The following TXNDC15 variants were observed in gnomAD, a reference collection of about 807,000 sequenced individuals.
TXNDC15 encodes thioredoxin domain-containing protein 15.
Under a neutral mutation model 35.0 loss-of-function variants are expected in TXNDC15, and 24 were observed. That is an observed-to-expected ratio of 0.68 (90% CI 0.50 to 0.96). The LOEUF is 0.96. TXNDC15 is among the 40% of genes least tolerant of loss of function. The pLI is 0.00. For synonymous variants in TXNDC15, 169 were observed against 174.0 expected, an observed-to-expected ratio of 0.97 and a Z score of 0.23; for missense variants, 385 against 453.3, an observed-to-expected ratio of 0.85 and a Z score of 1.37.
chr5:134,883,249 A>G (rs968235283), intron 1 of TXNDC15, among the ~76,000 whole-genome samples: 1 of 150,950 alleles, frequency 6.6e-6, no homozygotes, highest in African/African-American at 2.4e-5. Flanking sequence ...ACATGATGAA[A>G]CCCCGTCTCT....
At chr5:134,875,619 C>G (rs1009174216) in intron 1 of TXNDC15, among the ~76,000 whole-genome samples, 20 of 151,680 alleles carry the variant, frequency 1.3e-4, no homozygotes, top group African/African-American at 4.8e-4. Flanking sequence ...ACCTGTTTCC[C>G]AAAGTGCTGG....
intron 4 of TXNDC15, among the ~76,000 whole-genome samples, chr5:134,899,080 A>C (rs1010840105): frequency 6.7e-6 from 1 of 149,168 alleles, no homozygotes; most frequent in East Asian, 2.0e-4. Context: ...TCATCACAGA[A>C]AAAAAAAAAA....
At chr5:134,885,786 G>A (rs941315316) in intron 1 of TXNDC15, among the ~76,000 whole-genome samples, 84 of 152,242 alleles carry the variant, frequency 5.5e-4, no homozygotes, top group African/African-American at 1.9e-3. Flanking sequence ...CCTGTTTCTC[G>A]GATGTCACTA....
chr5:134,874,356 C>T (rs1012478233), upstream of TXNDC15: 16 of 1,347,242 alleles, frequency 1.2e-5, no homozygotes, highest in Admixed American at 1.8e-4. Flanking sequence ...CCCAGGCTCT[C>T]CTCCCCCAGC....
chr5:134,880,329 C>T (rs944338221), intron 1 of TXNDC15, among the ~76,000 whole-genome samples: 1 of 152,088 alleles, frequency 6.6e-6, no homozygotes, highest in African/African-American at 2.4e-5. Context: ...TAACATTTTT[C>T]TTCTGCCTGA....
intron 2 of TXNDC15, among the ~76,000 whole-genome samples, chr5:134,890,357 C>A (rs1410153767): frequency 6.7e-6 from 1 of 149,686 alleles, no homozygotes; most frequent in Non-Finnish European, 1.5e-5. Flanking sequence ...TTTTTCTTTT[C>A]TTTTCTTTTC....
chr5:134,891,028 C>G (rs1282656018), intron 2 of TXNDC15, among the ~76,000 whole-genome samples: 1 of 152,218 alleles, frequency 6.6e-6, no homozygotes, highest in African/African-American at 2.4e-5. Context: ...TCAGACTCCA[C>G]TTCTAATCCT....
At chr5:134,897,513 T>C (rs2150191254) in intron 4 of TXNDC15, among the ~76,000 whole-genome samples, 1 of 152,046 alleles carries the variant, frequency 6.6e-6, no homozygotes, top group African/African-American at 2.4e-5. Flanking sequence ...CCTCCCAGAG[T>C]GCTCAGATTA....
chr5:134,882,880 G>C (rs1750188509), intron 1 of TXNDC15, among the ~76,000 whole-genome samples: 1 of 152,184 alleles, frequency 6.6e-6, no homozygotes, highest in Non-Finnish European at 1.5e-5. Context: ...AGCTGGACAG[G>C]TTCTATTGCT....
At position 134,900,705 on chromosome 5, in the gene TXNDC15, G is replaced by A. The variant is rs1322857491; in HGVS notation, c.*1020G>A. On this transcript the variant is annotated 3_prime_UTR_variant, in exon 5 of 5. Transcript: ENST00000358387. ...AACAAACAAAAAGAAGTATTGAAGT[G>A]TAAAACACTGTTCTTGCCCACAAGT... The A allele has an allele frequency of 6.6e-6, 1 of 151,966 alleles. No individual in the cohort carries two copies. Among genetic ancestry groups the A allele is most frequent in the East Asian group, 1.9e-4 (1 of 5,190 alleles). The allele number at this position is 151,966 out of a possible 1,614,324, so 9.4% of individuals were successfully genotyped here. A position where few individuals can be genotyped will look rare whatever the true frequency, so the allele number is the denominator to read the frequency against.
chr5:134,893,622 A>G lies in TXNDC15; in HGVS notation c.722A>G (p.His241Arg). The change falls in exon 3 of 5, where the codon CAC becomes CGC. Residue 241 changes from histidine (H) to arginine (R), a missense_variant. Physicochemically the swap from His to Arg is conservative, Grantham distance 29. Transcript: ENST00000358387. ...NSLPRAFPALHFLALDASQHS... is the reference protein window; with the variant it reads ...NSLPRAFPALRFLALDASQHS... Reference sequence around the variant, plus strand: ...CTGCCCCGGGCATTTCCAGCTCTTCACTTTTTGGCACTGGATGCATCTCAG... The same window carrying G: ...CTGCCCCGGGCATTTCCAGCTCTTCGCTTTTTGGCACTGGATGCATCTCAG... The G allele has an allele frequency of 6.2e-7, 1 of 1,613,764 alleles. No individual in the cohort carries two copies. The highest frequency in any genetic ancestry group is 8.5e-7 in the Non-Finnish European group (1 of 1,179,968).
chr5:134,890,357 C>T (rs1410153767), intron 2 of TXNDC15, among the ~76,000 whole-genome samples: 1 of 149,686 alleles, frequency 6.7e-6, no homozygotes, highest in South Asian at 2.2e-4. Flanking sequence ...TTTTTCTTTT[C>T]TTTTCTTTTC....
At chr5:134,891,073 C>T (rs1750380592) in intron 2 of TXNDC15, among the ~76,000 whole-genome samples, 1 of 152,218 alleles carries the variant, frequency 6.6e-6, no homozygotes, top group Non-Finnish European at 1.5e-5. Context: ...TCCGCAGTTC[C>T]ATTCTCCATT....
Position 134,896,382 on chromosome 5 carries a change from C to G in TXNDC15, c.844C>G (p.Arg282Gly). ...AATGGCCAGATTTAATCATACAGAT[C>G]GAACACTGGAAACACTGAAAATCTT... Reference protein sequence around the residue: ...KPMARFNHTDRTLETLKIFIF... With the variant: ...KPMARFNHTDGTLETLKIFIF... Residue 282 changes from arginine (R) to glycine (G), a missense_variant, in exon 4 of 5, where the codon CGA (arginine) becomes GGA (glycine). Physicochemically the swap from Arg to Gly is moderately radical, Grantham distance 125. Coordinates refer to ENST00000358387, the MANE Select transcript of TXNDC15 (RefSeq NM_024715.4). The G allele has an allele frequency of 6.2e-7, 1 of 1,613,770 alleles. No homozygotes were observed. The highest frequency in any genetic ancestry group is 8.5e-7 in the Non-Finnish European group (1 of 1,179,926).
intron 3 of TXNDC15, among the ~76,000 whole-genome samples, chr5:134,895,260 A>G (rs1750467214): frequency 6.6e-6 from 1 of 152,214 alleles, no homozygotes; most frequent in Non-Finnish European, 1.5e-5. Flanking sequence ...TTTATGAAGA[A>G]AGAAATGGCT....
chr5:134,881,947 A>AC (rs1279785135), intron 1 of TXNDC15, among the ~76,000 whole-genome samples: 3 of 131,708 alleles, frequency 2.3e-5, no homozygotes, highest in Admixed American at 7.8e-5. Flanking sequence ...TGGGGGGCTG[A>AC]CCCCCCCACC....
chr5:134,899,582 T>A lies in TXNDC15; in HGVS notation c.980T>A (p.Val327Glu). ...TLIKSVDWLL[V>E]FSLFFLISFI... is the part of the protein sequence containing the mutation. ...ATAAAAAGTGTGGACTGGTTGCTTGTATTTTCCTTATTCTTTTTAATTAGT... is the reference window on the plus strand; with the variant it reads ...ATAAAAAGTGTGGACTGGTTGCTTGAATTTTCCTTATTCTTTTTAATTAGT... The change falls in exon 5 of 5, where the codon GTA (valine) becomes GAA (glutamate). Residue 327 changes from valine (V) to glutamate (E), a missense_variant. Coordinates refer to ENST00000358387, the MANE Select transcript of TXNDC15 (RefSeq NM_024715.4). 1 of 1,614,044 alleles carries A rather than the reference T, an allele frequency of 6.2e-7. No homozygotes were observed. Among genetic ancestry groups the A allele is most frequent in the Non-Finnish European group, 8.5e-7 (1 of 1,180,002 alleles).
chr5:134,891,803 C>T (rs1750392856), intron 2 of TXNDC15, among the ~76,000 whole-genome samples: 1 of 152,058 alleles, frequency 6.6e-6, no homozygotes, highest in Admixed American at 6.6e-5. Flanking sequence ...TGGGCACCAG[C>T]TACTTGGGAG....
chr5:134,888,561 G>A (rs1348914469), intron 2 of TXNDC15, among the ~76,000 whole-genome samples: 1 of 152,166 alleles, frequency 6.6e-6, no homozygotes, highest in Non-Finnish European at 1.5e-5. Flanking sequence ...TCGGCTCACT[G>A]CAACCTCCGC....
Sources: allele counts gnomAD v4.1 joint callset (sites outside exome capture counted in the v4.1 genomes callset), GRCh38; gene constraint gnomAD v4.1.1; transcripts MANE v1.5; gene names NCBI Gene and HGNC (gene_info 2026-07-23, HGNC 2026-07-21).